PPP6C: variants seen among roughly 807,000 people sequenced by gnomAD.
The protein encoded by PPP6C is serine/threonine-protein phosphatase 6 catalytic subunit.
Under a neutral mutation model 39.8 loss-of-function variants are expected in PPP6C, and 11 were observed. The observed-to-expected ratio is 0.28, with a 90% CI of 0.17 to 0.46. The LOEUF (loss-of-function observed/expected upper bound fraction) is 0.46. Among genes scored for constraint, PPP6C ranks in the 20% least tolerant of loss-of-function variants. The pLI, the probability that PPP6C is intolerant of heterozygous loss-of-function variation, is 1.00. For missense variants in PPP6C, 211 were observed against 373.9 expected (o/e 0.56, Z 3.59); for synonymous variants, 129 against 130.3 (o/e 0.99, Z 0.07).
intron 1 of PPP6C, among the ~76,000 whole-genome samples, chr9:125,182,004 G>A (rs1254410698): frequency 5.3e-5 from 8 of 152,188 alleles, no homozygotes; most frequent in African/African-American, 9.7e-5. Context: ...TCTAACTGGC[G>A]TGAGATGGTA....
At chr9:125,169,499 A>G (rs1829095693) in intron 2 of PPP6C, among the ~76,000 whole-genome samples, 1 of 152,220 alleles carries the variant, frequency 6.6e-6, no homozygotes, top group African/African-American at 2.4e-5. Context: ...GGGGGAAAAC[A>G]TGACTTGGTT....
chr9:125,153,876 G>A (rs770706219), intron 5 of PPP6C, 30 bp downstream of exon 5: 25 of 1,560,062 alleles, frequency 1.6e-5, no homozygotes, highest in Admixed American at 8.4e-5. Flanking sequence ...TGGCAGGAAC[G>A]TACATGAGAC....
chr9:125,156,744 G>T lies in PPP6C; in HGVS notation c.379+1497C>A, dbSNP rs866153571. On this transcript the variant is annotated intron_variant, in intron 4 of 6. Coordinates refer to ENST00000373547, the MANE Select transcript of PPP6C (RefSeq NM_002721.5). ...CCTGAAGGGGCTTCCTAATAAGCTC[G>T]CTCTCTCTCTCTCTCTCTCTCTCTC... is the stretch of plus-strand genomic sequence containing the variant. Among the ~76,000 whole-genome samples the T allele has an allele frequency of 1.5e-3, 214 of 141,432 alleles. 2 individuals carry two copies. In the South Asian group the frequency reaches 0.033, roughly 22 times the overall value. 92.8% of individuals were successfully genotyped at this position (141,432 alleles called of 152,430 possible).
intron 1 of PPP6C, among the ~76,000 whole-genome samples, chr9:125,182,024 G>A (rs1250111836): frequency 7.2e-5 from 11 of 152,258 alleles, no homozygotes; most frequent in South Asian, 6.2e-4. Context: ...ATCTCATTGC[G>A]GTTTTGATTT....
chr9:125,165,795 C>CTTTTTTTTTTTTTT lies in PPP6C; in HGVS notation c.172-4903_172-4890dup, dbSNP rs781221037. Among the ~76,000 whole-genome samples the CTTTTTTTTTTTTTT allele has an allele frequency of 1.1e-4, 12 of 113,632 alleles. 1 individual carries two copies. The highest frequency in any genetic ancestry group is 2.8e-4 in the African/African-American group (8 of 28,676). 74.5% of individuals were successfully genotyped at this position (113,632 alleles called of 152,430 possible). A position where few individuals can be genotyped will look rare whatever the true frequency, so the allele number is the denominator to read the frequency against. On this transcript the variant is annotated intron_variant, in intron 2 of 6. Transcript: ENST00000373547. ...CTGAAACCATAACAGTAATCTTTTG[C>CTTTTTTTTTTTTTT]TTTTTTTTTTTTTTTTTTGGAGACA... is the stretch of plus-strand genomic sequence containing the variant.
At chr9:125,158,474 C>A in intron 3 of PPP6C, 92 bp from the exon 4 acceptor site, 1 of 1,274,598 alleles carries the variant, frequency 7.8e-7, no homozygotes, top group Admixed American at 2.5e-5. Flanking sequence ...TAGTTTATAA[C>A]TACAATAAAG....
chr9:125,171,478 CATATATATATATATATATATATAT>C (rs59002869), intron 1 of PPP6C, among the ~76,000 whole-genome samples: 6 of 83,514 alleles, frequency 7.2e-5, no homozygotes, highest in South Asian at 7.9e-4. Flanking sequence ...CACACACACA[CATATATATATATATATATATATAT>C]ATATATATAT....
At chr9:125,162,752 G>A (rs1244918773) in intron 2 of PPP6C, among the ~76,000 whole-genome samples, 1 of 149,412 alleles carries the variant, frequency 6.7e-6, no homozygotes, top group East Asian at 2.0e-4. Flanking sequence ...CTCTAGCCTG[G>A]GTGACAGAGC....
chr9:125,168,255 A>G (rs767899234), intron 2 of PPP6C, among the ~76,000 whole-genome samples: 8 of 152,208 alleles, frequency 5.3e-5, no homozygotes, highest in East Asian at 3.9e-4. Context: ...ACTGAAATCT[A>G]TAACTCCTCA....
At chr9:125,175,944 C>T (rs3983836) in intron 1 of PPP6C, among the ~76,000 whole-genome samples, 2,304 of 152,216 alleles carry the variant, frequency 0.015, 109 homozygotes, top group Admixed American at 0.082. Context: ...AAATATATAA[C>T]AGTAATTTGT....
chr9:125,188,843 G>C, intron 1 of PPP6C: 1 of 731,916 alleles, frequency 1.4e-6, no homozygotes, highest in Non-Finnish European at 2.0e-6. Flanking sequence ...AAAAAGAAAA[G>C]CAGTATACCA....
intron 4 of PPP6C, among the ~76,000 whole-genome samples, chr9:125,157,774 T>G (rs1836116607): frequency 6.7e-6 from 1 of 148,156 alleles, no homozygotes; most frequent in Non-Finnish European, 1.5e-5. Flanking sequence ...CACCACAAAC[T>G]CTGACTCCTT....
Position 125,153,998 on chromosome 9 carries a change from C to G in PPP6C, c.380-13G>C. On this transcript the variant is annotated splice_polypyrimidine_tract_variant and intron_variant, in intron 4 of 6. Transcript: ENST00000373547. The stretch of plus-strand genomic sequence containing the variant: ...GTTTGGCACTCATCTGTGAAAGAAA[C>G]AGAAGGGTTTTAATTAATGAATCTG... The G allele has an allele frequency of 1.9e-6, 3 of 1,571,384 alleles. No individual in the cohort carries two copies. Among genetic ancestry groups the G allele is most frequent in the East Asian group, 4.5e-5 (2 of 44,604 alleles).
At chr9:125,153,423 A>C in intron 6 of PPP6C, 110 bp downstream of exon 6, 1 of 970,594 alleles carries the variant, frequency 1.0e-6, no homozygotes, top group Non-Finnish European at 1.5e-6. Context: ...ATCCACAGCC[A>C]CCATATTTTG....
Position 125,189,765 on chromosome 9 carries a change from A to AGCGGCG in PPP6C, c.-53_-48dup, listed in dbSNP as rs1174612097. 4.5e-6 allele frequency: 7 copies of AGCGGCG among 1,546,046 alleles called. No homozygotes were observed. In the East Asian group the frequency reaches 7.3e-5, roughly 16 times the overall value. Reference sequence around the variant, plus strand: ...CAACAGCGGCGGCGGCGGCTGTAGCAGCGGCGGCGGCAGCGGCGGAGGCCG... The same window carrying AGCGGCG: ...CAACAGCGGCGGCGGCGGCTGTAGCAGCGGCGGCGGCGGCGGCAGCGGCGGAGGCCG... On this transcript the variant is annotated 5_prime_UTR_variant, in exon 1 of 7. Coordinates refer to ENST00000373547, the MANE Select transcript of PPP6C (RefSeq NM_002721.5).
intron 2 of PPP6C, among the ~76,000 whole-genome samples, chr9:125,162,549 G>A (rs1413291495): frequency 4.0e-5 from 6 of 151,440 alleles, no homozygotes; most frequent in African/African-American, 1.5e-4. Context: ...TGAGGCAGGT[G>A]GATCATGAGG....
chr9:125,185,791 C>A (rs10986624), intron 1 of PPP6C, among the ~76,000 whole-genome samples: 3,120 of 151,916 alleles, frequency 0.021, 137 homozygotes, highest in East Asian at 0.15. Flanking sequence ...TCGAGACCAG[C>A]CTGAACAACA....
intron 1 of PPP6C, among the ~76,000 whole-genome samples, chr9:125,176,625 C>G (rs1829303405): frequency 6.6e-6 from 1 of 152,096 alleles, no homozygotes; most frequent in Admixed American, 6.6e-5. Flanking sequence ...CCACTGCACT[C>G]CAGCCTGGGT....
At chr9:125,150,265 G>A (rs1273875223) in intron 6 of PPP6C, among the ~76,000 whole-genome samples, 1 of 152,180 alleles carries the variant, frequency 6.6e-6, no homozygotes, top group Non-Finnish European at 1.5e-5. Flanking sequence ...ATATGTAGAT[G>A]TTGCAATAAT....
Sources: allele counts gnomAD v4.1 joint callset (sites outside exome capture counted in the v4.1 genomes callset), GRCh38; gene constraint gnomAD v4.1.1; transcripts MANE v1.5; gene names NCBI Gene and HGNC (gene_info 2026-07-23, HGNC 2026-07-21).